ITGA11: variants seen among roughly 807,000 people sequenced by gnomAD.
ITGA11 encodes the protein integrin subunit alpha 11.
Under a neutral mutation model 141.9 loss-of-function variants are expected in ITGA11, and 97 were observed. That is an observed-to-expected ratio of 0.68 (90% CI 0.58 to 0.81). The LOEUF (loss-of-function observed/expected upper bound fraction) is 0.81. Ranked by LOEUF, ITGA11 falls within the 30% of genes least tolerant of loss-of-function variation. The probability of loss-of-function intolerance (pLI) is 0.00; values close to 1 mark genes in which losing one functional copy is unlikely to be tolerated. For missense variants in ITGA11, 1,387 were observed against 1,559.2 expected, an observed-to-expected ratio of 0.89 and a Z score of 1.86; for synonymous variants, 658 against 624.6, an observed-to-expected ratio of 1.05 and a Z score of -0.80.
rs1892930014 is a variant in ITGA11, at chr15:68,297,338, G to A, written c.*5721C>T. On this transcript the variant is annotated 3_prime_UTR_variant, in exon 30 of 30. Coordinates refer to ENST00000315757, the MANE Select transcript of ITGA11 (RefSeq NM_001004439.2). ...TTATTACGTGTTTATTTTTCCAGAT[G>A]AAGTTTGGTGTAATTTTATCATGTT... is the stretch of plus-strand genomic sequence containing the variant. The A allele has an allele frequency of 6.6e-6, 1 of 151,290 alleles. No individual in the cohort carries two copies. Among genetic ancestry groups the A allele is most frequent in the African/African-American group, 2.4e-5 (1 of 41,184 alleles). 9.4% of individuals were successfully genotyped at this position (151,290 alleles called of 1,614,324 possible).
At chr15:68,348,116 C>A (rs1176855926) in intron 10 of ITGA11, among the ~76,000 whole-genome samples, 1 of 152,262 alleles carries the variant, frequency 6.6e-6, no homozygotes, top group South Asian at 2.1e-4. Context: ...CCCTTGCAGT[C>A]CTGGGAGGCT....
chr15:68,320,901 T>A (rs1196743918), intron 19 of ITGA11, among the ~76,000 whole-genome samples: 2 of 152,254 alleles, frequency 1.3e-5, no homozygotes, highest in Admixed American at 6.5e-5. Context: ...GGAAAATATG[T>A]TACATAAATT....
chr15:68,372,982 G>A (rs1188172252), intron 2 of ITGA11, among the ~76,000 whole-genome samples: 2 of 152,116 alleles, frequency 1.3e-5, no homozygotes, highest in East Asian at 3.8e-4. Context: ...TTAATAAACT[G>A]TATATTAAAT....
In ITGA11 at chr15:68,328,419, G is replaced by A. The variant is rs1441238538; in HGVS notation, c.1902-157C>T. Among the ~76,000 whole-genome samples the A allele has an allele frequency of 6.6e-6, 1 of 151,868 alleles. No individual in the cohort carries two copies. The highest frequency in any genetic ancestry group is 1.5e-5 in the Non-Finnish European group (1 of 67,950). On this transcript the variant is annotated intron_variant, in intron 15 of 29. Transcript: ENST00000315757. This position sits in a 1 kb window ranked among gnomAD's most constrained non-coding sequence, Gnocchi z 4.8. Reference sequence around the variant, plus strand: ...AGGGGGCGAGGTGGAGGATGGAGGGGGCTTCGGATGTCAAAGGACTGGCAA... The same window carrying A: ...AGGGGGCGAGGTGGAGGATGGAGGGAGCTTCGGATGTCAAAGGACTGGCAA...
intron 1 of ITGA11, among the ~76,000 whole-genome samples, chr15:68,414,821 C>T (rs568389440): frequency 1.3e-5 from 2 of 152,304 alleles, no homozygotes; most frequent in South Asian, 2.1e-4. Flanking sequence ...CAAGCCCCCC[C>T]ATGAAAGTGA....
intron 2 of ITGA11, among the ~76,000 whole-genome samples, chr15:68,390,559 C>CA (rs901382961): frequency 9.9e-5 from 15 of 152,140 alleles, no homozygotes; most frequent in African/African-American, 3.1e-4. Flanking sequence ...TGGCCTCCCC[C>CA]ACAGCCCCAG....
In ITGA11 at chr15:68,315,668, G is replaced by A. The variant is rs759862763; in HGVS notation, c.2775C>T (p.Ile925=). The A allele has an allele frequency of 2.3e-5, 37 of 1,613,254 alleles. No homozygotes were observed. In the East Asian group the frequency reaches 6.0e-4, roughly 26 times the overall value. ...SKSIFLHHLE[I]ELAAGSDSNE... The stretch of plus-strand genomic sequence containing the variant: ...GCCCTGACCTGCCTGCAGCGAGCTC[G>A]ATCTCCAGGTGGTGTAGGAAGATGG... Residue 925 remains isoleucine, a synonymous_variant, in exon 22 of 30, where the codon ATC becomes ATT. Transcript: ENST00000315757.
chr15:68,432,090 C>T lies in ITGA11; in HGVS notation c.-24G>A. 7.3e-7 allele frequency: 1 copy of T among 1,365,924 alleles called. No individual in the cohort carries two copies. Among genetic ancestry groups the T allele is most frequent in the South Asian group, 2.0e-5 (1 of 49,196 alleles). The allele number at this position is 1,365,924 out of a possible 1,614,324, so 84.6% of individuals were successfully genotyped here. A position where few individuals can be genotyped will look rare whatever the true frequency, so the allele number is the denominator to read the frequency against. Reference sequence around the variant, plus strand: ...ATGGCCCGCGGCACGGCGGCTGGGTCCGGTGTGCAGCGGCGGCGGGGGGCG... The same window carrying T: ...ATGGCCCGCGGCACGGCGGCTGGGTTCGGTGTGCAGCGGCGGCGGGGGGCG... On this transcript the variant is annotated 5_prime_UTR_variant, in exon 1 of 30. Coordinates refer to ENST00000315757, the MANE Select transcript of ITGA11 (RefSeq NM_001004439.2).
intron 20 of ITGA11, among the ~76,000 whole-genome samples, chr15:68,317,706 C>T (rs1027427347): frequency 3.3e-5 from 5 of 152,176 alleles, no homozygotes; most frequent in South Asian, 2.1e-4. Flanking sequence ...TTACATGACG[C>T]GATGCACATA....
Position 68,330,997 on chromosome 15 carries a change from T to C in ITGA11, c.1885A>G (p.Asn629Asp), listed in dbSNP as rs750589064. The change falls in exon 15 of 30, where the codon AAC (asparagine) becomes GAC (aspartate). Residue 629 changes from asparagine (N) to aspartate (D), a missense_variant. By Grantham distance (23) the Asn-to-Asp change is conservative. Coordinates refer to ENST00000315757, the MANE Select transcript of ITGA11 (RefSeq NM_001004439.2). ...LIDLAVGALGNAVILWSRPVV... is the reference protein window; with the variant it reads ...LIDLAVGALGDAVILWSRPVV... Reference sequence around the variant, plus strand: ...GGAACCAACCACAGAATCACAGCGTTGCCAAGGGCTCCCACTGCCAGGTCG... The same window carrying C: ...GGAACCAACCACAGAATCACAGCGTCGCCAAGGGCTCCCACTGCCAGGTCG... 8 of 1,613,930 alleles carry C rather than the reference T, an allele frequency of 5.0e-6. No individual in the cohort carries two copies. The South Asian group carries it at 8.8e-5, about 18-fold the overall frequency.
intron 2 of ITGA11, among the ~76,000 whole-genome samples, chr15:68,369,867 A>C (rs1024993104): frequency 5.9e-5 from 9 of 152,192 alleles, no homozygotes; most frequent in African/African-American, 1.9e-4. Flanking sequence ...TCTTTGGAAA[A>C]AGTGTCTTTG....
chr15:68,370,371 T>C (rs11853718), intron 2 of ITGA11, among the ~76,000 whole-genome samples: 103,527 of 152,050 alleles, frequency 0.68, 37,246 homozygotes, highest in East Asian at 0.88. Flanking sequence ...TCACCCCCAC[T>C]GATGCTGGGG....
rs751796333 is a variant in ITGA11 at position 68,298,446 on chromosome 15, A to AC, written c.*4612dup. On this transcript the variant is annotated 3_prime_UTR_variant, in exon 30 of 30. Coordinates refer to ENST00000315757, the MANE Select transcript of ITGA11 (RefSeq NM_001004439.2). ...AGACCAGTGTGGGCAACAAAGTGAG[A>AC]CCCCCTCTCTGCACAAAATTAAAAA... is the stretch of plus-strand genomic sequence containing the variant. 10 of 151,562 alleles carry AC rather than the reference A, an allele frequency of 6.6e-5. No individual in the cohort carries two copies. The highest frequency in any genetic ancestry group is 1.7e-4 in the African/African-American group (7 of 41,186). The allele number at this position is 151,562 out of a possible 1,614,324, so 9.4% of individuals were successfully genotyped here. A position where few individuals can be genotyped will look rare whatever the true frequency, so the allele number is the denominator to read the frequency against.
chr15:68,310,975 C>T lies in ITGA11; in HGVS notation c.3174+19G>A, dbSNP rs763726144. ...CTCTAACCCCAACCACTGTGGCTCT[C>T]GGTCTGGGGGACACTCACCAGCTGT... is the stretch of plus-strand genomic sequence containing the variant. On this transcript the variant is annotated intron_variant, in intron 26 of 29. Transcript: ENST00000315757. The T allele has an allele frequency of 2.7e-5, 42 of 1,578,984 alleles. No homozygotes were observed. Among genetic ancestry groups the T allele is most frequent in the Admixed American group, 3.5e-5 (2 of 56,466 alleles).
chr15:68,420,008 T>C (rs1896980045), intron 1 of ITGA11, among the ~76,000 whole-genome samples: 1 of 152,176 alleles, frequency 6.6e-6, no homozygotes, highest in African/African-American at 2.4e-5. Context: ...TCTCCACCTG[T>C]GCAATGGGTT....
intron 1 of ITGA11, among the ~76,000 whole-genome samples, chr15:68,426,615 A>G (rs1338913174): frequency 6.6e-6 from 1 of 152,106 alleles, no homozygotes; most frequent in African/African-American, 2.4e-5. Context: ...ACTGATCTCA[A>G]TTCCCCAACA....
chr15:68,400,605 A>G (rs2140407722), intron 2 of ITGA11, among the ~76,000 whole-genome samples: 1 of 101,068 alleles, frequency 9.9e-6, no homozygotes, highest in South Asian at 2.4e-4. Flanking sequence ...TATATATTAT[A>G]ATATATAATA....
intron 2 of ITGA11, among the ~76,000 whole-genome samples, chr15:68,382,367 G>C (rs1895884485): frequency 1.3e-5 from 2 of 152,180 alleles, no homozygotes; most frequent in African/African-American, 4.8e-5. Context: ...CTGGTCTCCT[G>C]CCTGAGTTCA....
intron 1 of ITGA11, among the ~76,000 whole-genome samples, chr15:68,404,586 C>T (rs760493141): frequency 2.0e-5 from 3 of 152,160 alleles, no homozygotes; most frequent in South Asian, 2.1e-4. Flanking sequence ...GAGTGAGCAT[C>T]GTCCTCACTT....
Sources: gnomAD v4.1 joint callset for allele counts (sites outside exome capture counted in the v4.1 genomes callset) on GRCh38, gnomAD v4.1.1 for gene constraint, Gnocchi (gnomAD v3.1) non-coding constraint, MANE v1.5 for transcripts, NCBI Gene and HGNC (gene_info 2026-07-23, HGNC 2026-07-21) for gene names.